The following HOXC11 variants were observed in gnomAD, a reference collection of about 807,000 sequenced individuals.
The protein encoded by HOXC11 is homeobox protein Hox-C11.
A neutral mutation model predicts 23.6 loss-of-function variants in HOXC11; 17 were observed. The observed-to-expected ratio is 0.72, with a 90% CI of 0.49 to 1.08. HOXC11 has a LOEUF of 1.08. Ranked by LOEUF, HOXC11 falls within the 50% of genes least tolerant of loss-of-function variation. The probability of loss-of-function intolerance (pLI) is 0.00; values close to 1 mark genes in which losing one functional copy is unlikely to be tolerated. For synonymous variants in HOXC11, 196 were observed against 183.8 expected (o/e 1.07, Z -0.54); for missense variants, 413 against 412.1 (o/e 1.00, Z -0.02).
At position 53,973,644 on chromosome 12, in the gene HOXC11, G is replaced by A. The variant is rs1026753739; in HGVS notation, c.403G>A (p.Ala135Thr). Residue 135 changes from alanine (A) to threonine (T), a missense_variant, in exon 1 of 2, where the codon GCC becomes ACC. Transcript: ENST00000546378. This position sits in a 1 kb window ranked among gnomAD's most constrained non-coding sequence, Gnocchi z 4.3. ...HHPSAPHATP[A>T]GFYSSVNKNS... ...CCCCAGCGCCCCGCACGCAACCCCC[G>A]CCGGCTTCTACTCCTCAGTCAACAA... 5 of 1,613,312 alleles carry A rather than the reference G, an allele frequency of 3.1e-6. No individual in the cohort carries two copies. Among genetic ancestry groups the A allele is most frequent in the East Asian group, 2.2e-5 (1 of 44,838 alleles).
In HOXC11 at chr12:53,973,521, G is replaced by A; in HGVS notation, c.280G>A (p.Ala94Thr). Reference sequence around the variant, plus strand: ...TCGGAACAGCTACTCCTCCTGCTATGCGGCGGCCGACGAGCTTATGCACCG... The same window carrying A: ...TCGGAACAGCTACTCCTCCTGCTATACGGCGGCCGACGAGCTTATGCACCG... ...HHRNSYSSCYAAADELMHREC... is the reference protein window; with the variant it reads ...HHRNSYSSCYTAADELMHREC... The change falls in exon 1 of 2, where the codon GCG (alanine) becomes ACG (threonine). Residue 94 changes from alanine to threonine, a missense_variant. Ala to Thr is a moderately conservative substitution (Grantham distance 58). Transcript: ENST00000546378. This position sits in a 1 kb window ranked among gnomAD's most constrained non-coding sequence, Gnocchi z 4.3. The A allele has an allele frequency of 6.2e-7, 1 of 1,613,738 alleles. No individual in the cohort carries two copies. Among genetic ancestry groups the A allele is most frequent in the Non-Finnish European group, 8.5e-7 (1 of 1,180,016 alleles).
Position 53,975,428 on chromosome 12 carries a change from C to T in HOXC11, c.*15C>T. On this transcript the variant is annotated 3_prime_UTR_variant, in exon 2 of 2. Coordinates refer to ENST00000546378, the MANE Select transcript of HOXC11 (RefSeq NM_014212.4). ...CTCTGCTGTAACCTGCAGACCGGGC[C>T]CTTTTGGGGGCGGGGGGAGGGGAAA... 2 of 1,481,778 alleles carry T rather than the reference C, an allele frequency of 1.3e-6. No individual in the cohort carries two copies. The highest frequency in any genetic ancestry group is 1.9e-6 in the Non-Finnish European group (2 of 1,065,858). The allele number at this position is 1,481,778 out of a possible 1,614,324, so 91.8% of individuals were successfully genotyped here.
intron 1 of HOXC11, 115 bp downstream of exon 1, chr12:53,974,038 C>A: frequency 1.3e-6 from 1 of 799,280 alleles, no homozygotes; most frequent in Non-Finnish European, 1.9e-6. Context: ...TGGGTCAGTC[C>A]GATTTTATGT....
rs747597294 is a variant in HOXC11 at position 53,973,575 on chromosome 12, G to C, written c.334G>C (p.Glu112Gln). The C allele has an allele frequency of 3.1e-6, 5 of 1,613,082 alleles. No individual in the cohort carries two copies. Among genetic ancestry groups the C allele is most frequent in the South Asian group, 1.1e-5 (1 of 91,066 alleles). ...RECLPPSTVT[E>Q]ILMKNEGSYG... ...GTGCCTGCCTCCTTCCACCGTCACC[G>C]AGATCCTCATGAAAAACGAAGGCTC... is the stretch of plus-strand genomic sequence containing the variant. Residue 112 changes from glutamate to glutamine, a missense_variant, in exon 1 of 2, where the codon GAG (glutamate) becomes CAG (glutamine). Transcript: ENST00000546378. The surrounding 1 kb of genome is among the most constrained non-coding windows in gnomAD (Gnocchi z 4.3).
rs1256012893 is a variant in HOXC11, at chr12:53,975,854, C to T, written c.*441C>T. The stretch of plus-strand genomic sequence containing the variant: ...AGCATGTCTGCCAGCGGAAACTTCT[C>T]GAGCTCCCCCCTCTACCCCGCCCCA... On this transcript the variant is annotated 3_prime_UTR_variant, in exon 2 of 2. Transcript: ENST00000546378. 1 of 408,148 alleles carries T rather than the reference C, an allele frequency of 2.5e-6. No individual in the cohort carries two copies. The highest frequency in any genetic ancestry group is 2.1e-5 in the African/African-American group (1 of 48,564). The allele number at this position is 408,148 out of a possible 1,614,324, so 25.3% of individuals were successfully genotyped here. A position where few individuals can be genotyped will look rare whatever the true frequency, so the allele number is the denominator to read the frequency against.
rs372701237 is a variant in HOXC11, at chr12:53,975,328, A to G, written c.830A>G (p.Lys277Arg). 9.9e-6 allele frequency: 16 copies of G among 1,613,876 alleles called. No homozygotes were observed. The highest frequency in any genetic ancestry group is 1.4e-5 in the Non-Finnish European group (16 of 1,179,962). ...CTGAACCTGACGGACCGACAAGTGA[A>G]AATTTGGTTTCAGAACAGAAGGATG... ...RMLNLTDRQV[K>R]IWFQNRRMKE... Residue 277 changes from lysine (K) to arginine (R), a missense_variant, in exon 2 of 2, where the codon AAA (lysine) becomes AGA (arginine). By Grantham distance (26) the Lys-to-Arg change is conservative (BLOSUM62 2). Coordinates refer to ENST00000546378, the MANE Select transcript of HOXC11 (RefSeq NM_014212.4).
rs1939282252 is a variant in HOXC11 at position 53,977,556 on chromosome 12, C to T, written c.*2143C>T. On this transcript the variant is annotated 3_prime_UTR_variant, in exon 2 of 2. Transcript: ENST00000546378. ...CCACACACAAACGTTTTATTTAACT[C>T]GGTGTGCCTATGGGTGCACATAAGA... 6.6e-6 allele frequency: 1 copy of T among 152,142 alleles called. No homozygotes were observed. The highest frequency in any genetic ancestry group is 1.5e-5 in the Non-Finnish European group (1 of 68,036). 9.4% of individuals were successfully genotyped at this position (152,142 alleles called of 1,614,324 possible). A position where few individuals can be genotyped will look rare whatever the true frequency, so the allele number is the denominator to read the frequency against.
chr12:53,975,071 C>A, intron 1 of HOXC11, 110 bp from the exon 2 acceptor site: 1 of 604,050 alleles, frequency 1.7e-6, no homozygotes, highest in Middle Eastern at 4.4e-4. Flanking sequence ...GAGGGCTGCC[C>A]GCGGTGGGCT....
intron 1 of HOXC11, among the ~76,000 whole-genome samples, 169 bp downstream of exon 1, chr12:53,974,092 G>T (rs1469290439): frequency 6.7e-6 from 1 of 149,996 alleles, no homozygotes; most frequent in Non-Finnish European, 1.5e-5. Context: ...AACCTACAAA[G>T]CCCTCTCTCC....
chr12:53,977,249 G>C lies in HOXC11; in HGVS notation c.*1836G>C, dbSNP rs921242134. On this transcript the variant is annotated 3_prime_UTR_variant, in exon 2 of 2. Transcript: ENST00000546378. ...CAGTGAGGGCACTTCGTTGGTCTCT[G>C]TTTCAAATTCGTTATTTGGGGGCAG... is the stretch of plus-strand genomic sequence containing the variant. 4 of 152,174 alleles carry C rather than the reference G, an allele frequency of 2.6e-5. No homozygotes were observed. Among genetic ancestry groups the C allele is most frequent in the Non-Finnish European group, 5.9e-5 (4 of 68,024 alleles). 9.4% of individuals were successfully genotyped at this position (152,174 alleles called of 1,614,324 possible).
Position 53,976,258 on chromosome 12 carries a change from G to A in HOXC11, c.*845G>A. On this transcript the variant is annotated 3_prime_UTR_variant, in exon 2 of 2. Coordinates refer to ENST00000546378, the MANE Select transcript of HOXC11 (RefSeq NM_014212.4). The stretch of plus-strand genomic sequence containing the variant: ...TTTCCCAAGCGTTTCTTTCCACCTG[G>A]AGGGAAAGGGGGGGACGCCCCCAGT... 4.5e-6 allele frequency: 1 copy of A among 223,960 alleles called. No homozygotes were observed. Among genetic ancestry groups the A allele is most frequent in the Non-Finnish European group, 8.9e-6 (1 of 112,178 alleles). The allele number at this position is 223,960 out of a possible 1,614,324, so 13.9% of individuals were successfully genotyped here.
At chr12:53,974,879 C>T (rs573459812) in intron 1 of HOXC11, 3 of 309,330 alleles carry the variant, frequency 9.7e-6, no homozygotes, top group Admixed American at 4.8e-5. Flanking sequence ...ACAGGGGGCC[C>T]GAGGGGACGC....
In HOXC11 at chr12:53,973,631, G is replaced by A. The variant is rs757940064; in HGVS notation, c.390G>A (p.Pro130=). The A allele has an allele frequency of 1.1e-5, 18 of 1,613,060 alleles. No homozygotes were observed. The East Asian group carries it at 3.6e-4, about 32-fold the overall frequency. ...GCGGCCACCACCACCCCAGCGCCCCGCACGCAACCCCCGCCGGCTTCTACT... is the reference window on the plus strand; with the variant it reads ...GCGGCCACCACCACCCCAGCGCCCCACACGCAACCCCCGCCGGCTTCTACT... ...SYGGHHHPSA[P]HATPAGFYSS... The change falls in exon 1 of 2, where the codon CCG becomes CCA. Residue 130 remains proline, a synonymous_variant. Transcript: ENST00000546378. This position sits in a 1 kb window ranked among gnomAD's most constrained non-coding sequence, Gnocchi z 4.3.
In HOXC11 at chr12:53,973,657, C is replaced by A. The variant is rs1353271081; in HGVS notation, c.416C>A (p.Ser139Tyr). The A allele has an allele frequency of 6.2e-7, 1 of 1,613,776 alleles. No homozygotes were observed. Among genetic ancestry groups the A allele is most frequent in the South Asian group, 1.1e-5 (1 of 91,078 alleles). The change falls in exon 1 of 2, where the codon TCC becomes TAC. Residue 139 changes from serine to tyrosine, a missense_variant. Transcript: ENST00000546378. This position sits in a 1 kb window ranked among gnomAD's most constrained non-coding sequence, Gnocchi z 4.3. ...CACGCAACCCCCGCCGGCTTCTACT[C>A]CTCAGTCAACAAGAACAGCGTCCTG... ...APHATPAGFY[S>Y]SVNKNSVLPQ...
chr12:53,973,980 G>A lies in HOXC11; in HGVS notation c.682+57G>A, dbSNP rs1240597748. On this transcript the variant is annotated intron_variant, in intron 1 of 1. Transcript: ENST00000546378. This position sits in a 1 kb window ranked among gnomAD's most constrained non-coding sequence, Gnocchi z 4.3. Reference sequence around the variant, plus strand: ...AGCGAGGGAGGGAGCGAGAGAGGGAGGGCGAGAGAAGGGGGGAGGCAAGGG... The same window carrying A: ...AGCGAGGGAGGGAGCGAGAGAGGGAAGGCGAGAGAAGGGGGGAGGCAAGGG... 1.4e-6 allele frequency: 2 copies of A among 1,395,492 alleles called. No homozygotes were observed. Among genetic ancestry groups the A allele is most frequent in the African/African-American group, 1.5e-5 (1 of 67,980 alleles). 86.4% of individuals were successfully genotyped at this position (1,395,492 alleles called of 1,614,324 possible).
In HOXC11 at chr12:53,973,339, A is replaced by G. The variant is rs374603975; in HGVS notation, c.98A>G (p.Tyr33Cys). The change falls in exon 1 of 2, where the codon TAT becomes TGT. Residue 33 changes from tyrosine (Y) to cysteine (C), a missense_variant. Tyr to Cys is a radical substitution (Grantham distance 194, BLOSUM62 -2). Coordinates refer to ENST00000546378, the MANE Select transcript of HOXC11 (RefSeq NM_014212.4). This position sits in a 1 kb window ranked among gnomAD's most constrained non-coding sequence, Gnocchi z 4.3. ...CGAGGGAGCTGCGCCTCCAACCTCT[A>G]TCTGCCCAGTTGCACTTACTACATG... ...GERGSCASNL[Y>C]LPSCTYYMPE... The G allele has an allele frequency of 7.0e-5, 113 of 1,613,944 alleles. 1 individual carries two copies. In the African/African-American group the frequency reaches 7.2e-4, roughly 10 times the overall value.
intron 1 of HOXC11, 99 bp from the exon 2 acceptor site, chr12:53,975,082 A>AGTCCTCC (rs1939231786): frequency 1.6e-6 from 1 of 608,020 alleles, no homozygotes; most frequent in Non-Finnish European, 2.9e-6. Context: ...GCGGTGGGCT[A>AGTCCTCC]GGAGAAGGGC....
Position 53,973,937 on chromosome 12 carries a change from GC to G in HOXC11, c.682+16del. On this transcript the variant is annotated intron_variant, in intron 1 of 1. Transcript: ENST00000546378. This position sits in a 1 kb window ranked among gnomAD's most constrained non-coding sequence, Gnocchi z 4.3. ...GAGCCGCCCCCAGTAGGTAGCAGCGGCCGGGGAACGGGCGGGCAGCGAGGGA... is the reference window on the plus strand; with the variant it reads ...GAGCCGCCCCCAGTAGGTAGCAGCGGCGGGGAACGGGCGGGCAGCGAGGGA... 1 of 1,436,296 alleles carries G rather than the reference GC, an allele frequency of 7.0e-7. No individual in the cohort carries two copies. The highest frequency in any genetic ancestry group is 9.1e-7 in the Non-Finnish European group (1 of 1,093,140). The allele number at this position is 1,436,296 out of a possible 1,614,324, so 89.0% of individuals were successfully genotyped here.
rs777615105 is a variant in HOXC11 at position 53,973,247 on chromosome 12, T to C, written c.6T>C (p.Phe2=). The C allele has an allele frequency of 2.2e-5, 35 of 1,593,776 alleles. 1 individual carries two copies. In the South Asian group the frequency reaches 3.9e-4, roughly 18 times the overall value. The part of the protein sequence containing the change: M[F]NSVNLGNFCS... The stretch of plus-strand genomic sequence containing the variant: ...GCCGGCAGGAGAGGAGAACGATGTT[T>C]AACTCGGTCAACCTGGGCAACTTCT... The change falls in exon 1 of 2, where the codon TTT becomes TTC. Residue 2 remains phenylalanine (F), a synonymous_variant. Coordinates refer to ENST00000546378, the MANE Select transcript of HOXC11 (RefSeq NM_014212.4). This position sits in a 1 kb window ranked among gnomAD's most constrained non-coding sequence, Gnocchi z 4.3.
Sources: allele counts gnomAD v4.1 joint callset (sites outside exome capture counted in the v4.1 genomes callset), GRCh38; gene constraint gnomAD v4.1.1; non-coding constraint Gnocchi (gnomAD v3.1); transcripts MANE v1.5; gene names NCBI Gene and HGNC (gene_info 2026-07-23, HGNC 2026-07-21).